AGBL4: variants seen among roughly 807,000 people sequenced by gnomAD.
The protein encoded by AGBL4 is AGBL carboxypeptidase 4.
A neutral mutation model predicts 66.4 loss-of-function variants in AGBL4; 58 were observed. The observed-to-expected ratio is 0.87, with a 90% CI of 0.71 to 1.09. The LOEUF is 1.09. Among genes scored for constraint, AGBL4 ranks in the 50% least tolerant of loss-of-function variants. The pLI, the probability that AGBL4 is intolerant of heterozygous loss-of-function variation, is 0.00. For missense variants in AGBL4, 579 were observed against 631.0 expected (o/e 0.92, Z 0.88); for synonymous variants, 234 against 222.9 (o/e 1.05, Z -0.44).
At chr1:48,568,777 C>T (rs1644515184) in intron 11 of AGBL4, among the ~76,000 whole-genome samples, 1 of 152,168 alleles carries the variant, frequency 6.6e-6, no homozygotes, top group Admixed American at 6.5e-5. Context: ...GAAGTCATCC[C>T]TGTCTAAGGC....
the AGBL4 span, among the ~76,000 whole-genome samples, chr1:48,526,046 G>T: frequency 6.6e-6 from 1 of 152,118 alleles, no homozygotes; most frequent in Non-Finnish European, 1.5e-5. Flanking sequence ...CACAGCAGTT[G>T]TTTCAAAGGA....
intron 3 of AGBL4, 123 bp from the exon 4 acceptor site, chr1:49,245,987 G>C: frequency 1.5e-6 from 1 of 678,476 alleles, no homozygotes; most frequent in Non-Finnish European, 2.5e-6. Flanking sequence ...CAACTGTATA[G>C]TGAGAGTACA....
intron 5 of AGBL4, among the ~76,000 whole-genome samples, chr1:48,962,096 C>CCCATCCATCCATCCATCCATCCAT (rs372705417): frequency 9.3e-5 from 14 of 151,032 alleles, no homozygotes; most frequent in East Asian, 5.9e-4. Flanking sequence ...CTTAAAAGAT[C>CCCATCCATCCATCCATCCATCCAT]CCATCCATCC....
chr1:49,044,584 T>C (rs1644029868), intron 5 of AGBL4, among the ~76,000 whole-genome samples: 1 of 152,112 alleles, frequency 6.6e-6, no homozygotes, highest in Non-Finnish European at 1.5e-5. Flanking sequence ...CCCCAGAACC[T>C]GTCACTGTGT....
At chr1:49,088,042 T>C (rs997054695) in intron 4 of AGBL4, among the ~76,000 whole-genome samples, 2 of 152,190 alleles carry the variant, frequency 1.3e-5, no homozygotes, top group African/African-American at 4.8e-5. Context: ...AGTAACACAA[T>C]TGATTACCAT....
At chr1:49,883,577 A>C (rs1444031206) in intron 1 of AGBL4, among the ~76,000 whole-genome samples, 1 of 152,098 alleles carries the variant, frequency 6.6e-6, no homozygotes, top group Non-Finnish European at 1.5e-5. Context: ...GCACAATGTC[A>C]GTAATCTATA....
chr1:49,781,694 C>T (rs901698277), intron 2 of AGBL4, among the ~76,000 whole-genome samples: 2 of 152,000 alleles, frequency 1.3e-5, no homozygotes, highest in Admixed American at 6.5e-5. Context: ...TACAATTTCA[C>T]GAAGTACACA....
chr1:49,880,749 C>T (rs1027086790), intron 1 of AGBL4, among the ~76,000 whole-genome samples: 4 of 152,090 alleles, frequency 2.6e-5, no homozygotes, highest in African/African-American at 9.7e-5. Context: ...GCGGGCGCCC[C>T]TCCCCCAGCC....
chr1:49,278,277 A>G lies in AGBL4; in HGVS notation c.283-32413T>C, dbSNP rs541529684. On this transcript the variant is annotated intron_variant, in intron 3 of 13. Coordinates refer to ENST00000371839, the MANE Select transcript of AGBL4 (RefSeq NM_032785.4). ...CTCCTCTCCTTTGGAATCACGTCCC[A>G]GGTTAAAAGGAAATACTAAAACAGC... 2.4e-4 allele frequency among the ~76,000 whole-genome samples: 36 copies of G among 152,250 alleles called. No homozygotes were observed. The South Asian group carries it at 7.5e-3, about 32-fold the overall frequency.
intron 2 of AGBL4, among the ~76,000 whole-genome samples, chr1:49,822,261 AGTATTTTTCTTTTTT>A (rs1281924923): frequency 6.6e-6 from 1 of 151,462 alleles, no homozygotes; most frequent in Non-Finnish European, 1.5e-5. Flanking sequence ...CAAAACTTTA[AGTATTTTTCTTTTTT>A]GTATTTTTCT....
chr1:48,914,917 G>A (rs1653458103), intron 5 of AGBL4, among the ~76,000 whole-genome samples: 1 of 152,118 alleles, frequency 6.6e-6, no homozygotes. Context: ...TACCCAGGCT[G>A]CACATTACAA....
At chr1:48,586,842 A>G in intron 11 of AGBL4, 162 bp downstream of exon 11, 1 of 918,090 alleles carries the variant, frequency 1.1e-6, no homozygotes, top group African/African-American at 1.7e-5. Context: ...GGCTGAGGCA[A>G]ACTGGACAAT....
At chr1:49,339,827 T>C (rs1250699114) in intron 3 of AGBL4, among the ~76,000 whole-genome samples, 18 of 152,320 alleles carry the variant, frequency 1.2e-4, no homozygotes, top group Admixed American at 8.5e-4. Context: ...TATTCCATGG[T>C]CATGTATCCT....
chr1:49,285,280 T>G (rs554856260), intron 3 of AGBL4, among the ~76,000 whole-genome samples: 163 of 152,042 alleles, frequency 1.1e-3, no homozygotes, highest in African/African-American at 3.8e-3. Context: ...ACTGGATACA[T>G]AACGAAATGA....
intron 3 of AGBL4, among the ~76,000 whole-genome samples, chr1:49,280,295 G>A (rs1399122976): frequency 6.6e-6 from 1 of 152,106 alleles, no homozygotes; most frequent in Non-Finnish European, 1.5e-5. Flanking sequence ...ATTGATTTGA[G>A]TATTAACCCC....
At chr1:49,830,952 G>C (rs1008136752) in intron 2 of AGBL4, among the ~76,000 whole-genome samples, 1 of 152,112 alleles carries the variant, frequency 6.6e-6, no homozygotes, top group Non-Finnish European at 1.5e-5. Flanking sequence ...CCTCTGTTCT[G>C]TTCTATTGCT....
At chr1:49,642,709 C>A (rs1429790810) in intron 3 of AGBL4, among the ~76,000 whole-genome samples, 1 of 151,870 alleles carries the variant, frequency 6.6e-6, no homozygotes, top group Non-Finnish European at 1.5e-5. Flanking sequence ...GTTTGACAAA[C>A]TACTCAGATA....
chr1:49,947,729 A>C (rs565065386), intron 1 of AGBL4, among the ~76,000 whole-genome samples: 1 of 151,114 alleles, frequency 6.6e-6, no homozygotes, highest in South Asian at 2.1e-4. Context: ...AGGGCATCCA[A>C]ATCGGTAAAG....
intron 6 of AGBL4, among the ~76,000 whole-genome samples, chr1:48,731,310 G>T (rs1444472020): frequency 6.6e-6 from 1 of 152,024 alleles, no homozygotes; most frequent in African/African-American, 2.4e-5. Flanking sequence ...AGTAATACAA[G>T]AAACCTCTGG....
Sources: gnomAD v4.1 joint callset for allele counts (sites outside exome capture counted in the v4.1 genomes callset) on GRCh38, gnomAD v4.1.1 for gene constraint, MANE v1.5 for transcripts, NCBI Gene and HGNC (gene_info 2026-07-23, HGNC 2026-07-21) for gene names.